The following TDRD3 variants were observed in gnomAD, a reference collection of about 807,000 sequenced individuals.
TDRD3 encodes the protein tudor domain-containing protein 3.
TDRD3 carries 45 observed loss-of-function variants against 86.7 expected under a neutral mutation model. The observed-to-expected ratio is 0.52, with a 90% CI of 0.41 to 0.67. The LOEUF (loss-of-function observed/expected upper bound fraction) is 0.67, where lower values mean the gene tolerates loss of function less well. Ranked by LOEUF, TDRD3 falls within the 30% of genes least tolerant of loss-of-function variation. The pLI, the probability that TDRD3 is intolerant of heterozygous loss-of-function variation, is 0.00. For missense variants in TDRD3, 814 were observed against 889.0 expected, an observed-to-expected ratio of 0.92 and a Z score of 1.07; for synonymous variants, 298 against 301.7, an observed-to-expected ratio of 0.99 and a Z score of 0.13.
intron 1 of TDRD3, among the ~76,000 whole-genome samples, chr13:60,411,902 T>G (rs910452073): frequency 6.6e-6 from 1 of 152,206 alleles, no homozygotes; most frequent in Non-Finnish European, 1.5e-5. Flanking sequence ...GTATTGTCAT[T>G]GTCTTCATGG....
chr13:60,537,854 TA>T (rs1957732357), intron 12 of TDRD3: 1 of 152,086 alleles, frequency 6.6e-6, no homozygotes, highest in Admixed American at 6.6e-5. Context: ...CTTGTTTTCC[TA>T]AATGTAGCAG....
chr13:60,522,814 A>G (rs966889862), intron 10 of TDRD3, among the ~76,000 whole-genome samples: 20 of 152,326 alleles, frequency 1.3e-4, no homozygotes, highest in Admixed American at 1.2e-3. Flanking sequence ...TGTGATTTCT[A>G]CATCTCACCA....
chr13:60,424,668 C>T (rs1954755557), intron 1 of TDRD3, among the ~76,000 whole-genome samples: 1 of 152,140 alleles, frequency 6.6e-6, no homozygotes, highest in Non-Finnish European at 1.5e-5. Context: ...CAGAAGGCAA[C>T]TCTGTCTGAA....
At chr13:60,551,919 G>T (rs961331766) in intron 12 of TDRD3, among the ~76,000 whole-genome samples, 2 of 152,148 alleles carry the variant, frequency 1.3e-5, no homozygotes, top group Non-Finnish European at 2.9e-5. Flanking sequence ...ACAGCATGGG[G>T]GAAACTGTCC....
intron 12 of TDRD3, among the ~76,000 whole-genome samples, chr13:60,566,123 A>G (rs1342863662): frequency 1.3e-5 from 2 of 152,178 alleles, no homozygotes; most frequent in Non-Finnish European, 2.9e-5. Context: ...TTTCTTTTAC[A>G]TGCAGACTGA....
chr13:60,447,591 G>A (rs376169111), intron 3 of TDRD3, among the ~76,000 whole-genome samples: 1 of 152,112 alleles, frequency 6.6e-6, no homozygotes, highest in African/African-American at 2.4e-5. Context: ...TCTTCAAGGG[G>A]ATTCAATAAA....
At chr13:60,477,194 A>G (rs1373262252) in intron 5 of TDRD3, among the ~76,000 whole-genome samples, 2 of 140,050 alleles carry the variant, frequency 1.4e-5, no homozygotes, top group Non-Finnish European at 3.1e-5. Flanking sequence ...TTTGTTATAG[A>G]TGGTTATTAT....
chr13:60,467,042 A>G (rs1955956919), intron 4 of TDRD3, among the ~76,000 whole-genome samples, 196 bp from the exon 5 acceptor site: 1 of 151,954 alleles, frequency 6.6e-6, no homozygotes, highest in South Asian at 2.1e-4. Context: ...TACATAGGTG[A>G]TATGTGCCAT....
chr13:60,506,806 A>G (rs545799019), intron 8 of TDRD3, among the ~76,000 whole-genome samples: 250 of 152,318 alleles, frequency 1.6e-3, no homozygotes, highest in South Asian at 2.7e-3. Context: ...CTAAAGGGCA[A>G]AATAACCAGC....
At chr13:60,541,746 T>TTTTTTATG (rs1957818133) in intron 12 of TDRD3, among the ~76,000 whole-genome samples, 1 of 135,922 alleles carries the variant, frequency 7.4e-6, no homozygotes, top group African/African-American at 2.7e-5. Flanking sequence ...TTTTTTTTTT[T>TTTTTTATG]GAGACGGAGT....
At chr13:60,493,690 T>A (rs2137557116) in intron 7 of TDRD3, among the ~76,000 whole-genome samples, 1 of 152,244 alleles carries the variant, frequency 6.6e-6, no homozygotes, top group Non-Finnish European at 1.5e-5. Context: ...TATAAAAATA[T>A]TGTTTAACCA....
At chr13:60,563,934 A>G (rs1036448223) in intron 12 of TDRD3, among the ~76,000 whole-genome samples, 10 of 152,218 alleles carry the variant, frequency 6.6e-5, no homozygotes, top group Admixed American at 4.6e-4. Flanking sequence ...AACTTGTCAA[A>G]CGCACATTAT....
intron 12 of TDRD3, among the ~76,000 whole-genome samples, chr13:60,551,957 C>T (rs975768026): frequency 2.0e-5 from 3 of 152,132 alleles, no homozygotes; most frequent in Non-Finnish European, 4.4e-5. Context: ...CCCGCCAGGT[C>T]TCTCCCTCGA....
At chr13:60,420,766 C>T (rs1213712131) in intron 1 of TDRD3, among the ~76,000 whole-genome samples, 1 of 151,890 alleles carries the variant, frequency 6.6e-6, no homozygotes, top group Non-Finnish European at 1.5e-5. Flanking sequence ...CATGGTGAAA[C>T]CCCGTCTCTA....
At chr13:60,531,839 C>A (rs1265058486) in intron 11 of TDRD3, among the ~76,000 whole-genome samples, 2 of 151,668 alleles carry the variant, frequency 1.3e-5, no homozygotes. Context: ...TTAAAAAAAA[C>A]AAAGAATGAA....
At chr13:60,523,995 A>G (rs2137744498) in intron 10 of TDRD3, among the ~76,000 whole-genome samples, 1 of 151,766 alleles carries the variant, frequency 6.6e-6, no homozygotes, top group East Asian at 1.9e-4. Flanking sequence ...GGGGTGATTT[A>G]AAAAAATGTG....
intron 1 of TDRD3, among the ~76,000 whole-genome samples, chr13:60,402,626 T>A (rs1400816245): frequency 6.6e-6 from 1 of 152,000 alleles, no homozygotes. Context: ...TATACTCTTT[T>A]GGAAAGGATT....
intron 1 of TDRD3, among the ~76,000 whole-genome samples, chr13:60,435,327 G>A (rs1955062193): frequency 6.6e-6 from 1 of 151,972 alleles, no homozygotes; most frequent in Non-Finnish European, 1.5e-5. Context: ...ACCTAGATAA[G>A]TTCTATAGTG....
chr13:60,523,768 G>T (rs796092332), intron 10 of TDRD3, among the ~76,000 whole-genome samples: 1 of 151,358 alleles, frequency 6.6e-6, no homozygotes, highest in African/African-American at 2.4e-5. Flanking sequence ...GTAGAGATGG[G>T]GTTTCACCAT....
Sources: gnomAD v4.1 joint callset for allele counts (sites outside exome capture counted in the v4.1 genomes callset) on GRCh38, gnomAD v4.1.1 for gene constraint, MANE v1.5 for transcripts, NCBI Gene and HGNC (gene_info 2026-07-23, HGNC 2026-07-21) for gene names.